The following DNAJB1 variants were observed in gnomAD, a reference collection of about 807,000 sequenced individuals.
DNAJB1 encodes dnaJ homolog subfamily B member 1.
DNAJB1 carries 14 observed loss-of-function variants against 24.0 expected under a neutral mutation model. The ratio of observed to expected loss-of-function variants is 0.58; its 90% CI spans 0.39 to 0.91. The LOEUF is 0.91. DNAJB1 is among the 40% of genes least tolerant of loss of function. The pLI is 0.00. For missense variants in DNAJB1, 517 were observed against 458.1 expected, an observed-to-expected ratio of 1.13 and a Z score of -1.17; for synonymous variants, 262 against 174.4, an observed-to-expected ratio of 1.50 and a Z score of -3.96.
At chr19:14,524,776 G>A (rs1188581219) in intron 2 of DNAJB1, among the ~76,000 whole-genome samples, 2 of 140,750 alleles carry the variant, frequency 1.4e-5, no homozygotes, top group African/African-American at 5.5e-5. Context: ...AACCTAGGAG[G>A]TGGAGGTTGC....
chr19:14,538,368 G>A (rs966993401), intron 1 of DNAJB1, among the ~76,000 whole-genome samples: 40 of 152,154 alleles, frequency 2.6e-4, no homozygotes, highest in African/African-American at 9.2e-4. Flanking sequence ...GGGGGCCTGT[G>A]GGGGAGTGTG....
rs1200082245 is a variant in DNAJB1, at chr19:14,516,730, G to C, written c.528C>G (p.Tyr176Ter). The C allele has an allele frequency of 6.2e-7, 1 of 1,614,024 alleles. No individual in the cohort carries two copies. The highest frequency in any genetic ancestry group is 8.5e-7 in the Non-Finnish European group (1 of 1,180,042). Residue 176 changes from tyrosine to a stop codon, truncating the protein, a stop_gained, in exon 2 of 3, where the codon TAC (tyrosine) becomes TAG (stop). Coordinates refer to ENST00000254322, the MANE Select transcript of DNAJB1 (RefSeq NM_006145.3). LOFTEE classifies it high-confidence loss of function. ...TTTTCATCTTCTTGGTACAGCCGCT[G>C]TAGATCTCTTCAAGGGAGACTCGAA... ...HDLRVSLEEI[Y>*]SGCTKKMKIS...
At chr19:14,518,687 T>C (rs1173560074), upstream of DNAJB1, among the ~76,000 whole-genome samples, 2 of 151,796 alleles carry the variant, frequency 1.3e-5, no homozygotes, top group Non-Finnish European at 2.9e-5. Context: ...CTTCTTTCCC[T>C]CTCTACGCGG....
chr19:14,533,662 C>G (rs376022270), upstream of DNAJB1, among the ~76,000 whole-genome samples: 2 of 152,032 alleles, frequency 1.3e-5, no homozygotes, highest in East Asian at 1.9e-4. Context: ...TAGTGGAGAT[C>G]GGTGGCTGTT....
intron 2 of DNAJB1, among the ~76,000 whole-genome samples, chr19:14,525,784 CAT>C (rs1266290079): frequency 2.0e-5 from 3 of 150,338 alleles, no homozygotes; most frequent in Non-Finnish European, 4.4e-5. Flanking sequence ...AATTTTACTA[CAT>C]GTCAATTACA....
intron 1 of DNAJB1, among the ~76,000 whole-genome samples, chr19:14,539,710 C>T (rs11672969): frequency 0.22 from 32,762 of 151,954 alleles, 3,795 homozygotes; most frequent in South Asian, 0.41. Flanking sequence ...GGATGCCCTT[C>T]CCTCTGCTTT....
At chr19:14,529,512 A>AG (rs781159055), upstream of DNAJB1, 2 of 773,556 alleles carry the variant, frequency 2.6e-6, no homozygotes, top group East Asian at 2.6e-5. Flanking sequence ...CCCAAGGAGC[A>AG]GGGGCGAACG....
chr19:14,516,713 T>A lies in DNAJB1; in HGVS notation c.545A>T (p.Lys182Met). 1.2e-6 allele frequency: 2 copies of A among 1,614,194 alleles called. No homozygotes were observed. Among genetic ancestry groups the A allele is most frequent in the Non-Finnish European group, 1.7e-6 (2 of 1,180,030 alleles). ...TAGCCGCTTGTGGGAGATTTTCATC[T>A]TCTTGGTACAGCCGCTGTAGATCTC... is the stretch of plus-strand genomic sequence containing the variant. ...LEEIYSGCTKKMKISHKRLNP... is the reference protein window; with the variant it reads ...LEEIYSGCTKMMKISHKRLNP... Residue 182 changes from lysine to methionine, a missense_variant, in exon 2 of 3, where the codon AAG (lysine) becomes ATG (methionine). Physicochemically the swap from Lys to Met is moderately conservative, Grantham distance 95. Coordinates refer to ENST00000254322, the MANE Select transcript of DNAJB1 (RefSeq NM_006145.3).
chr19:14,549,016 A>AT (rs111721704), intron 1 of DNAJB1, among the ~76,000 whole-genome samples: 29 of 150,760 alleles, frequency 1.9e-4, no homozygotes, highest in Admixed American at 7.3e-4. Flanking sequence ...GGTTTCTTTG[A>AT]TTTTTTTTTT....
chr19:14,518,369 C>T lies in DNAJB1; in HGVS notation c.-20G>A, dbSNP rs201003805. The T allele has an allele frequency of 2.4e-5, 37 of 1,533,604 alleles. No individual in the cohort carries two copies. Among genetic ancestry groups the T allele is most frequent in the Non-Finnish European group, 3.2e-5 (37 of 1,150,094 alleles). The allele number at this position is 1,533,604 out of a possible 1,614,324, so 95.0% of individuals were successfully genotyped here. A position where few individuals can be genotyped will look rare whatever the true frequency, so the allele number is the denominator to read the frequency against. On this transcript the variant is annotated 5_prime_UTR_variant, in exon 1 of 3. Coordinates refer to ENST00000254322, the MANE Select transcript of DNAJB1 (RefSeq NM_006145.3). ...ACCCATGACCCCCTCCTGCGGCCCGCCGACCCGCTGTCGCCGTCCCCCGGC... is the reference window on the plus strand; with the variant it reads ...ACCCATGACCCCCTCCTGCGGCCCGTCGACCCGCTGTCGCCGTCCCCCGGC...
At chr19:14,535,531 A>T (rs2072839745) in intron 1 of DNAJB1, among the ~76,000 whole-genome samples, 1 of 63,144 alleles carries the variant, frequency 1.6e-5, no homozygotes, top group African/African-American at 7.9e-5. Flanking sequence ...AAAAAAAAAA[A>T]AAAAAAAAAA....
At chr19:14,554,308 C>T (rs367573794), upstream of DNAJB1, among the ~76,000 whole-genome samples, 2 of 152,280 alleles carry the variant, frequency 1.3e-5, no homozygotes, top group East Asian at 1.9e-4. Context: ...CACCATTAGG[C>T]AGGTCACGTC....
chr19:14,516,273 C>CTAAG (rs1450366185), intron 2 of DNAJB1, 103 bp from the exon 3 acceptor site: 12 of 1,389,900 alleles, frequency 8.6e-6, no homozygotes, highest in Non-Finnish European at 1.1e-5. Context: ...GCCTCTGCAG[C>CTAAG]TAAGACCTGG....
intron 1 of DNAJB1, among the ~76,000 whole-genome samples, chr19:14,538,158 C>G (rs950701684): frequency 6.6e-6 from 1 of 152,164 alleles, no homozygotes; most frequent in Admixed American, 6.6e-5. Context: ...GAAAGTGAAG[C>G]GACTTGTCCA....
Position 14,544,716 on chromosome 19 carries a change from T to TC in DNAJB1, c.-214+5491dup, listed in dbSNP as rs543584408. Among the ~76,000 whole-genome samples the TC allele has an allele frequency of 1.8e-3, 273 of 149,618 alleles. 2 individuals carry two copies. Among genetic ancestry groups the TC allele is most frequent in the African/African-American group, 6.2e-3 (251 of 40,640 alleles). ...TGGCACGATCACGGCTCCCTGCAAC[T>TC]CCAACTCCTGGGTTCAAGGGATTCT... On this transcript the variant is annotated intron_variant, in intron 1 of 3. Transcript: ENST00000676982.
intron 1 of DNAJB1, among the ~76,000 whole-genome samples, chr19:14,549,456 G>C (rs912904266): frequency 5.9e-5 from 9 of 151,952 alleles, no homozygotes; most frequent in Admixed American, 5.2e-4. Flanking sequence ...TGAAGACCTT[G>C]TGATCTGCCC....
At chr19:14,539,059 C>T (rs1472031997) in intron 1 of DNAJB1, among the ~76,000 whole-genome samples, 2 of 149,938 alleles carry the variant, frequency 1.3e-5, no homozygotes, top group African/African-American at 2.5e-5. Flanking sequence ...CTGCAATCTC[C>T]GCCTCCCGGG....
chr19:14,519,065 T>G (rs1793973760), upstream of DNAJB1, among the ~76,000 whole-genome samples: 1 of 152,202 alleles, frequency 6.6e-6, no homozygotes, highest in Non-Finnish European at 1.5e-5. Context: ...AGACTCCGTT[T>G]CTATTTAAGA....
At chr19:14,550,544 C>T (rs115473932), upstream of DNAJB1, among the ~76,000 whole-genome samples, 1 of 152,276 alleles carries the variant, frequency 6.6e-6, no homozygotes, top group African/African-American at 2.4e-5. Flanking sequence ...GTGTCGTCCC[C>T]AACTGCCACC....
Sources: allele counts gnomAD v4.1 joint callset (sites outside exome capture counted in the v4.1 genomes callset), GRCh38; gene constraint gnomAD v4.1.1; transcripts MANE v1.5; gene names NCBI Gene and HGNC (gene_info 2026-07-23, HGNC 2026-07-21).